Variants in NAV2 observed in about 807,000 individuals in gnomAD.
NAV2 encodes neuron navigator 2.
NAV2 carries 54 observed loss-of-function variants against 223.2 expected under a neutral mutation model. That is an observed-to-expected ratio of 0.24 (90% CI 0.19 to 0.30). NAV2 has a LOEUF of 0.30. NAV2 is among the 10% of genes least tolerant of loss of function. The pLI, the probability that NAV2 is intolerant of heterozygous loss-of-function variation, is 1.00. For missense variants in NAV2, 2,806 were observed against 3,147.5 expected (o/e 0.89, Z 2.60); for synonymous variants, 1,279 against 1,239.3 (o/e 1.03, Z -0.67).
intron 1 of NAV2, among the ~76,000 whole-genome samples, chr11:19,781,151 C>G (rs1368293890): frequency 6.6e-6 from 1 of 152,154 alleles, no homozygotes; most frequent in Non-Finnish European, 1.5e-5. Flanking sequence ...AAATGACTTG[C>G]CTAAGATTCC....
At chr11:19,613,590 G>A (rs1319556266) in intron 1 of NAV2, among the ~76,000 whole-genome samples, 1 of 152,194 alleles carries the variant, frequency 6.6e-6, no homozygotes, top group Non-Finnish European at 1.5e-5. Flanking sequence ...TGGGGGATCT[G>A]AACTTGGCTT....
At chr11:19,446,679 C>G (rs1267409723) in intron 1 of NAV2, among the ~76,000 whole-genome samples, 1 of 152,188 alleles carries the variant, frequency 6.6e-6, no homozygotes, top group Non-Finnish European at 1.5e-5. Flanking sequence ...TGCCTGCCGC[C>G]AGAGTCATCA....
At chr11:19,799,849 T>C (rs569336731) in intron 1 of NAV2, among the ~76,000 whole-genome samples, 1 of 152,190 alleles carries the variant, frequency 6.6e-6, no homozygotes, top group Admixed American at 6.5e-5. Context: ...CATATATTGG[T>C]GGGGACAGCA....
At chr11:19,894,000 T>A (rs183123114) in intron 6 of NAV2, among the ~76,000 whole-genome samples, 147 of 152,332 alleles carry the variant, frequency 9.6e-4, no homozygotes, top group Non-Finnish European at 1.5e-3. Context: ...TATCCATCCA[T>A]AACTTTCACA....
intron 1 of NAV2, among the ~76,000 whole-genome samples, chr11:19,796,039 C>CAT (rs1036628120): frequency 8.5e-5 from 13 of 152,154 alleles, no homozygotes; most frequent in African/African-American, 2.9e-4. Context: ...CACTAAACTG[C>CAT]ATATATATAA....
At chr11:19,779,462 CTTA>C (rs1427053379) in intron 1 of NAV2, among the ~76,000 whole-genome samples, 1 of 152,240 alleles carries the variant, frequency 6.6e-6, no homozygotes, top group Admixed American at 6.5e-5. Context: ...TGTTCATTCA[CTTA>C]TTGATTGATC....
At chr11:20,086,570 C>G (rs188459635) in intron 26 of NAV2, among the ~76,000 whole-genome samples, 36 of 152,244 alleles carry the variant, frequency 2.4e-4, no homozygotes, top group African/African-American at 7.5e-4. Flanking sequence ...TATTTGTTCT[C>G]TGTCCCCCAC....
chr11:19,740,894 A>T (rs1204639391), intron 1 of NAV2, among the ~76,000 whole-genome samples: 1 of 152,200 alleles, frequency 6.6e-6, no homozygotes, highest in Non-Finnish European at 1.5e-5. Context: ...CCCAGCTAGT[A>T]ACCCAGGTAT....
In NAV2 at chr11:20,000,906, G is replaced by A. The variant is rs112016023; in HGVS notation, c.2768+16659G>A. Among the ~76,000 whole-genome samples the A allele has an allele frequency of 3.4e-4, 51 of 152,218 alleles. 1 individual carries two copies. Among genetic ancestry groups the A allele is most frequent in the African/African-American group, 1.0e-3 (42 of 41,534 alleles). ...TCACTGCTACTGTCCTGCTGTGCCCGTCCTGTTACCCAGCGCATCATCCCA... is the reference window on the plus strand; with the variant it reads ...TCACTGCTACTGTCCTGCTGTGCCCATCCTGTTACCCAGCGCATCATCCCA... On this transcript the variant is annotated intron_variant, in intron 11 of 37. Coordinates refer to ENST00000349880, the MANE Select transcript of NAV2 (RefSeq NM_145117.5).
chr11:20,061,644 C>T (rs2058714279), intron 19 of NAV2, among the ~76,000 whole-genome samples: 1 of 151,644 alleles, frequency 6.6e-6, no homozygotes, highest in Non-Finnish European at 1.5e-5. Flanking sequence ...GGTTCTAGTC[C>T]AAAAGTATCA....
intron 1 of NAV2, among the ~76,000 whole-genome samples, chr11:19,555,147 A>G (rs751158658): frequency 3.9e-5 from 6 of 152,330 alleles, no homozygotes; most frequent in Middle Eastern, 3.4e-3. Flanking sequence ...ACAGGGATCA[A>G]TGTACAGGAA....
At chr11:20,103,157 G>A (rs1446748965) in intron 32 of NAV2, 98 bp from the exon 33 acceptor site, 11 of 1,177,844 alleles carry the variant, frequency 9.3e-6, no homozygotes, top group East Asian at 2.4e-5. Context: ...GGGCCTTTCT[G>A]CCTCCACTGG....
At chr11:19,984,096 A>G (rs2050546639) in intron 10 of NAV2, 29 bp from the exon 11 acceptor site, 2 of 1,613,638 alleles carry the variant, frequency 1.2e-6, no homozygotes, top group Non-Finnish European at 1.7e-6. Context: ...TTGGACATTC[A>G]TGTGCATCAT....
chr11:19,565,492 A>G (rs1324227941), intron 1 of NAV2, among the ~76,000 whole-genome samples: 1 of 152,158 alleles, frequency 6.6e-6, no homozygotes, highest in Non-Finnish European at 1.5e-5. Context: ...TGAAAACACC[A>G]GTTCTTTGCT....
At chr11:20,084,850 C>G (rs1390937523) in intron 26 of NAV2, among the ~76,000 whole-genome samples, 1 of 152,080 alleles carries the variant, frequency 6.6e-6, no homozygotes, top group Non-Finnish European at 1.5e-5. Flanking sequence ...GTATAGCAAC[C>G]TGTGTGAGCA....
intron 3 of NAV2, among the ~76,000 whole-genome samples, chr11:19,861,875 A>C (rs2061814941): frequency 6.6e-6 from 1 of 152,222 alleles, no homozygotes; most frequent in Non-Finnish European, 1.5e-5. Context: ...ACTAGTCACC[A>C]GTGGAATTTT....
At chr11:19,939,860 T>C in intron 8 of NAV2, 87 bp downstream of exon 8, 1 of 824,774 alleles carries the variant, frequency 1.2e-6, no homozygotes, top group Non-Finnish European at 1.9e-6. Context: ...CCCAGCTTGA[T>C]TACGAGTTGC....
At chr11:19,413,864 C>A (rs1225352295) in intron 1 of NAV2, among the ~76,000 whole-genome samples, 1 of 152,130 alleles carries the variant, frequency 6.6e-6, no homozygotes, top group Non-Finnish European at 1.5e-5. Flanking sequence ...CCATTAGAGA[C>A]AAGCAAATGC....
At chr11:19,424,798 A>G (rs1850760056) in intron 1 of NAV2, among the ~76,000 whole-genome samples, 1 of 151,880 alleles carries the variant, frequency 6.6e-6, no homozygotes, top group African/African-American at 2.4e-5. Flanking sequence ...TGATCCGCCC[A>G]CCTCAGCCTC....
Sources: allele counts gnomAD v4.1 joint callset (sites outside exome capture counted in the v4.1 genomes callset), GRCh38; gene constraint gnomAD v4.1.1; transcripts MANE v1.5; gene names NCBI Gene and HGNC (gene_info 2026-07-23, HGNC 2026-07-21).